Variants in RANBP2 observed in about 807,000 individuals in gnomAD.
RANBP2 encodes E3 SUMO-protein ligase RanBP2.
RANBP2 carries 57 observed loss-of-function variants against 303.6 expected under a neutral mutation model. The observed-to-expected ratio is 0.19, with a 90% CI of 0.15 to 0.23. RANBP2 has a LOEUF of 0.23. Among genes scored for constraint, RANBP2 ranks in the 10% least tolerant of loss-of-function variants. RANBP2 has a pLI of 1.00. For synonymous variants in RANBP2, 1,167 were observed against 1,301.5 expected (o/e 0.90, Z 2.23); for missense variants, 3,138 against 3,780.8 (o/e 0.83, Z 4.46).
the RANBP2 span, among the ~76,000 whole-genome samples, chr2:109,145,376 C>T: frequency 6.6e-6 from 1 of 152,216 alleles, no homozygotes; most frequent in Non-Finnish European, 1.5e-5. Context: ...CCTGTGAGCC[C>T]TGCCCCTCTC....
At chr2:109,553,704 AT>A in the RANBP2 span, among the ~76,000 whole-genome samples, 10 of 152,024 alleles carry the variant, frequency 6.6e-5, no homozygotes, top group Admixed American at 2.6e-4. Flanking sequence ...AATACAAAAA[AT>A]TAGTCAGGCA....
the RANBP2 span, among the ~76,000 whole-genome samples, chr2:109,650,340 A>G: frequency 3.9e-5 from 6 of 152,204 alleles, no homozygotes; most frequent in Non-Finnish European, 8.8e-5. Flanking sequence ...TAGTCTCCCA[A>G]GGCAGAAAGA....
At chr2:108,910,829 C>T in the RANBP2 span, 3 of 1,614,008 alleles carry the variant, frequency 1.9e-6, no homozygotes, top group Non-Finnish European at 2.5e-6. Flanking sequence ...CACGCTCTTC[C>T]CCGGGTGGCT....
chr2:109,602,830 A>T, the RANBP2 span, among the ~76,000 whole-genome samples: 1 of 151,710 alleles, frequency 6.6e-6, no homozygotes, highest in Non-Finnish European at 1.5e-5. Flanking sequence ...AGCTGAAGAA[A>T]AGGGGAAGGA....
At chr2:109,708,311 G>A in the RANBP2 span, among the ~76,000 whole-genome samples, 26 of 152,106 alleles carry the variant, frequency 1.7e-4, no homozygotes, top group African/African-American at 6.3e-4. Context: ...AGTGAGCTAT[G>A]ATCACACCAC....
the RANBP2 span, among the ~76,000 whole-genome samples, chr2:108,937,664 ATG>A: frequency 1.3e-5 from 2 of 151,406 alleles, no homozygotes; most frequent in Admixed American, 1.3e-4. Context: ...GTATGTTTAT[ATG>A]TGTGAGTATA....
the RANBP2 span, among the ~76,000 whole-genome samples, chr2:108,835,192 CTACTG>C: frequency 4.6e-5 from 7 of 152,158 alleles, no homozygotes; most frequent in Non-Finnish European, 8.8e-5. Flanking sequence ...GTTGAAATGA[CTACTG>C]TAGTGTAAGT....
chr2:109,064,981 G>A, the RANBP2 span, among the ~76,000 whole-genome samples: 2 of 152,160 alleles, frequency 1.3e-5, no homozygotes, highest in Non-Finnish European at 2.9e-5. Flanking sequence ...GAGCCTTGGG[G>A]TTTAAATAAA....
chr2:108,770,789 A>G (rs1401022133), intron 20 of RANBP2, among the ~76,000 whole-genome samples: 1 of 152,236 alleles, frequency 6.6e-6, no homozygotes, highest in Non-Finnish European at 1.5e-5. Flanking sequence ...ATGATATTTT[A>G]CATTATTGTT....
At chr2:109,446,429 T>C in the RANBP2 span, among the ~76,000 whole-genome samples, 1 of 152,190 alleles carries the variant, frequency 6.6e-6, no homozygotes, top group African/African-American at 2.4e-5. Context: ...ATAATCAGCC[T>C]CCAGCGAACA....
chr2:109,038,571 C>T, the RANBP2 span, among the ~76,000 whole-genome samples: 4 of 151,966 alleles, frequency 2.6e-5, no homozygotes, highest in African/African-American at 9.7e-5. Context: ...CCGTGAAAGA[C>T]CTTATGAAGA....
chr2:109,079,188 G>A, the RANBP2 span, among the ~76,000 whole-genome samples: 6 of 152,116 alleles, frequency 3.9e-5, no homozygotes, highest in East Asian at 1.9e-4. Flanking sequence ...AACTAAAGAC[G>A]AGGAGGATGA....
At chr2:109,599,726 A>G in the RANBP2 span, among the ~76,000 whole-genome samples, 17 of 152,336 alleles carry the variant, frequency 1.1e-4, no homozygotes, top group Non-Finnish European at 2.4e-4. Context: ...TCTTGATAGC[A>G]GTTCATATAA....
the RANBP2 span, among the ~76,000 whole-genome samples, chr2:109,301,422 C>T: frequency 6.6e-6 from 1 of 151,920 alleles, no homozygotes; most frequent in Non-Finnish European, 1.5e-5. Context: ...TGTAGTCTCC[C>T]CTGCATTCCT....
At chr2:109,176,153 G>A in the RANBP2 span, among the ~76,000 whole-genome samples, 2 of 152,106 alleles carry the variant, frequency 1.3e-5, no homozygotes, top group East Asian at 3.9e-4. Context: ...GCTAAATCTT[G>A]AAAATTCAAA....
chr2:109,765,722 C>T, the RANBP2 span, among the ~76,000 whole-genome samples: 1 of 150,166 alleles, frequency 6.7e-6, no homozygotes, highest in East Asian at 2.0e-4. Context: ...TAGGCTAACA[C>T]AGGCAGGGAG....
chr2:108,804,523 A>T, the RANBP2 span, among the ~76,000 whole-genome samples: 2 of 152,238 alleles, frequency 1.3e-5, no homozygotes, highest in East Asian at 3.8e-4. Context: ...TAAATAGCTT[A>T]TCTCTTGAAG....
chr2:109,313,350 C>A, the RANBP2 span, among the ~76,000 whole-genome samples: 1 of 152,086 alleles, frequency 6.6e-6, no homozygotes, highest in Non-Finnish European at 1.5e-5. Context: ...TATTTAAATG[C>A]AGTTCAGCCT....
chr2:108,790,931 A>T, the RANBP2 span, among the ~76,000 whole-genome samples: 1 of 151,156 alleles, frequency 6.6e-6, no homozygotes, highest in Admixed American at 6.6e-5. Context: ...TATTTTATTT[A>T]TTTTTCTTTT....
Sources: allele counts gnomAD v4.1 joint callset (sites outside exome capture counted in the v4.1 genomes callset), GRCh38; gene constraint gnomAD v4.1.1; transcripts MANE v1.5; gene names NCBI Gene and HGNC (gene_info 2026-07-23, HGNC 2026-07-21).